RCAN1: variants seen among roughly 807,000 people sequenced by gnomAD.
RCAN1 encodes the protein calcipressin-1.
A neutral mutation model predicts 22.9 loss-of-function variants in RCAN1; 11 were observed. The ratio of observed to expected loss-of-function variants is 0.48; its 90% CI spans 0.30 to 0.79. The LOEUF (loss-of-function observed/expected upper bound fraction) is 0.79, where lower values mean the gene tolerates loss of function less well. Ranked by LOEUF, RCAN1 falls within the 30% of genes least tolerant of loss-of-function variation. The probability of loss-of-function intolerance (pLI) is 0.06; values close to 1 mark genes in which losing one functional copy is unlikely to be tolerated. For synonymous variants in RCAN1, 136 were observed against 142.3 expected (o/e 0.96, Z 0.32); for missense variants, 291 against 337.8 (o/e 0.86, Z 1.09).
chr21:34,615,059 T>TGCGCGCCGGAGCCTCAC lies in RCAN1; in HGVS notation c.-65_-49dup. 9.8e-7 allele frequency: 1 copy of TGCGCGCCGGAGCCTCAC among 1,016,946 alleles called. No homozygotes were observed. The highest frequency in any genetic ancestry group is 1.7e-5 in the African/African-American group (1 of 57,772). 63.0% of individuals were successfully genotyped at this position (1,016,946 alleles called of 1,614,324 possible). On this transcript the variant is annotated 5_prime_UTR_variant, in exon 1 of 4. Coordinates refer to ENST00000313806, the MANE Select transcript of RCAN1 (RefSeq NM_004414.7). ...GCGCCCCAGCGGGCTGCTCCGGGCT[T>TGCGCGCCGGAGCCTCAC]GCGCGCCGGAGCCTCACGCGCTCCG...
At chr21:34,546,960 A>C (rs954845288) in intron 1 of RCAN1, among the ~76,000 whole-genome samples, 2 of 152,198 alleles carry the variant, frequency 1.3e-5, no homozygotes, top group African/African-American at 4.8e-5. Flanking sequence ...TCTGGGTAAC[A>C]GAGACCAGAT....
chr21:34,575,807 G>C (rs569094109), intron 1 of RCAN1, among the ~76,000 whole-genome samples: 1 of 152,200 alleles, frequency 6.6e-6, no homozygotes, highest in East Asian at 1.9e-4. Context: ...CTCAGAAGAA[G>C]AGACGAGACA....
chr21:34,559,948 G>A (rs1174967822), intron 1 of RCAN1: 1 of 152,160 alleles, frequency 6.6e-6, no homozygotes, highest in Non-Finnish European at 1.5e-5. Flanking sequence ...CAGGTACACT[G>A]ACATGCCTTC....
chr21:34,570,290 G>T (rs1030981320), intron 1 of RCAN1, among the ~76,000 whole-genome samples: 1 of 152,072 alleles, frequency 6.6e-6, no homozygotes, highest in Non-Finnish European at 1.5e-5. Context: ...GACAAGTAAG[G>T]GAATAATAAT....
At chr21:34,566,941 A>G (rs1167912480) in intron 1 of RCAN1, among the ~76,000 whole-genome samples, 1 of 152,140 alleles carries the variant, frequency 6.6e-6, no homozygotes, top group Non-Finnish European at 1.5e-5. Flanking sequence ...GCCGTTCATG[A>G]GGGATCTACC....
At chr21:34,603,997 A>G (rs753631163) in intron 1 of RCAN1, among the ~76,000 whole-genome samples, 1 of 152,240 alleles carries the variant, frequency 6.6e-6, no homozygotes, top group Non-Finnish European at 1.5e-5. Flanking sequence ...TTATCAATCA[A>G]TAATTGCCAT....
intron 2 of RCAN1, 175 bp from the exon 3 acceptor site, chr21:34,521,833 G>C (rs767600085): frequency 1.7e-6 from 1 of 593,292 alleles, no homozygotes. Flanking sequence ...AAGGACATAT[G>C]AACTCTGGTT....
chr21:34,592,789 TATG>T (rs1988017930), intron 1 of RCAN1, among the ~76,000 whole-genome samples: 1 of 152,210 alleles, frequency 6.6e-6, no homozygotes, highest in African/African-American at 2.4e-5. Flanking sequence ...GATTTTCCTA[TATG>T]ATGTCTATGT....
intron 1 of RCAN1, among the ~76,000 whole-genome samples, chr21:34,544,656 AC>A (rs1986060349): frequency 6.6e-6 from 1 of 152,230 alleles, no homozygotes. Context: ...TTTGTTTGAG[AC>A]AGGGTCTCAC....
Position 34,541,959 on chromosome 21 carries a change from AT to A in RCAN1, c.253-18250del, listed in dbSNP as rs1220684444. 4.4e-4 allele frequency among the ~76,000 whole-genome samples: 67 copies of A among 152,268 alleles called. 1 individual carries two copies. Among genetic ancestry groups the A allele is most frequent in the African/African-American group, 1.4e-3 (59 of 41,548 alleles). ...AAAAAAAATAAAATAAATAAAAAAA[AT>A]TTTTTTAATGCTATTCATGCAACAC... On this transcript the variant is annotated intron_variant, in intron 1 of 3. Coordinates refer to ENST00000313806, the MANE Select transcript of RCAN1 (RefSeq NM_004414.7).
At chr21:34,540,900 G>A (rs935969483) in intron 1 of RCAN1, among the ~76,000 whole-genome samples, 3 of 152,078 alleles carry the variant, frequency 2.0e-5, no homozygotes, top group Non-Finnish European at 2.9e-5. Context: ...TAGAAGAACC[G>A]CTTGAACCTG....
At chr21:34,529,990 C>G (rs768793034) in intron 1 of RCAN1, among the ~76,000 whole-genome samples, 6 of 152,316 alleles carry the variant, frequency 3.9e-5, no homozygotes, top group Non-Finnish European at 7.3e-5. Context: ...CTTTCACCTC[C>G]CGCCGTGATT....
At position 34,585,729 on chromosome 21, in the gene RCAN1, C is replaced by T. The variant is rs540326326; in HGVS notation, c.252+29031G>A. ...CTGCACTCCAGCCTGGGTGACAGAG[C>T]GAGACTCCATCTCAAAAAAAAAAAA... is the stretch of plus-strand genomic sequence containing the variant. On this transcript the variant is annotated intron_variant, in intron 1 of 3. Coordinates refer to ENST00000313806, the MANE Select transcript of RCAN1 (RefSeq NM_004414.7). Among the ~76,000 whole-genome samples, 249 of 108,778 alleles carry T rather than the reference C, an allele frequency of 2.3e-3. 1 individual carries two copies. The highest frequency in any genetic ancestry group is 3.6e-3 in the Non-Finnish European group (214 of 58,876). 71.4% of individuals were successfully genotyped at this position (108,778 alleles called of 152,430 possible).
chr21:34,531,404 C>A (rs1444220788), intron 1 of RCAN1, among the ~76,000 whole-genome samples: 2 of 152,178 alleles, frequency 1.3e-5, no homozygotes, highest in Non-Finnish European at 2.9e-5. Context: ...CCTTGGATGT[C>A]CTCCTATGTG....
chr21:34,556,888 T>C (rs546489032), intron 1 of RCAN1, among the ~76,000 whole-genome samples: 3 of 152,270 alleles, frequency 2.0e-5, no homozygotes, highest in East Asian at 1.9e-4. Flanking sequence ...GCACTCCTGA[T>C]GAAAATATGG....
chr21:34,521,072 C>A, intron 3 of RCAN1: 1 of 1,229,652 alleles, frequency 8.1e-7, no homozygotes, highest in South Asian at 3.3e-5. Context: ...AGGTGAGAAT[C>A]ACAGGAAAGG....
intron 1 of RCAN1, among the ~76,000 whole-genome samples, chr21:34,539,970 A>G (rs920802428): frequency 2.0e-5 from 3 of 152,072 alleles, no homozygotes; most frequent in Admixed American, 6.5e-5. Context: ...GCCAGGGGAC[A>G]CTCATCTGAA....
Position 34,615,079 on chromosome 21 carries a change from G to C in RCAN1, c.-68C>G. On this transcript the variant is annotated 5_prime_UTR_variant, in exon 1 of 4. Transcript: ENST00000313806. ...GGGCTTGCGCGCCGGAGCCTCACGC[G>C]CTCCGGTCCGCGCCCGGCCGGCGGC... The C allele has an allele frequency of 7.9e-6, 8 of 1,006,676 alleles. No individual in the cohort carries two copies. Among genetic ancestry groups the C allele is most frequent in the Non-Finnish European group, 9.5e-6 (8 of 844,518 alleles). The allele number at this position is 1,006,676 out of a possible 1,614,324, so 62.4% of individuals were successfully genotyped here.
intron 1 of RCAN1, among the ~76,000 whole-genome samples, chr21:34,572,281 T>C (rs1201270719): frequency 6.6e-6 from 1 of 152,134 alleles, no homozygotes; most frequent in Non-Finnish European, 1.5e-5. Context: ...GCCTTTTGGG[T>C]CCCGGACCCA....
Sources: gnomAD v4.1 joint callset for allele counts (sites outside exome capture counted in the v4.1 genomes callset) on GRCh38, gnomAD v4.1.1 for gene constraint, MANE v1.5 for transcripts, NCBI Gene and HGNC (gene_info 2026-07-23, HGNC 2026-07-21) for gene names.